Variants in PRDM13 observed in about 807,000 individuals in gnomAD.
The protein encoded by PRDM13 is PR domain zinc finger protein 13.
PRDM13 carries 15 observed loss-of-function variants against 36.4 expected under a neutral mutation model. The ratio of observed to expected loss-of-function variants is 0.41; its 90% CI spans 0.28 to 0.64. The LOEUF (loss-of-function observed/expected upper bound fraction) is 0.64, where lower values mean the gene tolerates loss of function less well. Among genes scored for constraint, PRDM13 ranks in the 30% least tolerant of loss-of-function variants. PRDM13 has a pLI of 0.29. For synonymous variants in PRDM13, 531 were observed against 467.7 expected (o/e 1.14, Z -1.75); for missense variants, 1,044 against 1,013.5 (o/e 1.03, Z -0.41).
In PRDM13 at chr6:99,614,457, C is replaced by A; in HGVS notation, c.1822C>A (p.Arg608=). 1.2e-6 allele frequency: 2 copies of A among 1,613,526 alleles called. No individual in the cohort carries two copies. The highest frequency in any genetic ancestry group is 2.2e-5 in the East Asian group (1 of 44,882). The change falls in exon 4 of 4, where the codon CGG becomes AGG. Residue 608 remains arginine (R), a synonymous_variant. Coordinates refer to ENST00000369215, the MANE Select transcript of PRDM13 (RefSeq NM_021620.4). The part of the protein sequence containing the change: ...YKPLKCKVCL[R]PFGDPSNLNK... The stretch of plus-strand genomic sequence containing the variant: ...GCCACTCAAGTGCAAAGTCTGTCTG[C>A]GGCCCTTCGGCGACCCCAGCAATCT...
intron 1 of PRDM13, 135 bp downstream of exon 1, chr6:99,607,313 C>G (rs1222080622): frequency 7.7e-7 from 1 of 1,293,540 alleles, no homozygotes; most frequent in Non-Finnish European, 1.0e-6. Flanking sequence ...GAAGGGGACT[C>G]CTATTATTCT....
In PRDM13 at chr6:99,613,442, G is replaced by C; in HGVS notation, c.807G>C (p.Gly269=). 6.5e-7 allele frequency: 1 copy of C among 1,545,082 alleles called. No homozygotes were observed. Among genetic ancestry groups the C allele is most frequent in the Non-Finnish European group, 8.7e-7 (1 of 1,154,104 alleles). ...LDMSGAARGQ[G]HFLGIVGGSS... ...TGAGCGGAGCCGCCCGAGGACAAGG[G>C]CACTTCCTCGGCATCGTGGGCGGCT... is the stretch of plus-strand genomic sequence containing the variant. Residue 269 remains glycine, a synonymous_variant, in exon 4 of 4, where the codon GGG becomes GGC. Transcript: ENST00000369215. This position sits in a 1 kb window ranked among gnomAD's most constrained non-coding sequence, Gnocchi z 6.1.
chr6:99,610,805 T>C (rs1388149595), intron 3 of PRDM13, among the ~76,000 whole-genome samples: 1 of 152,258 alleles, frequency 6.6e-6, no homozygotes, highest in African/African-American at 2.4e-5. Context: ...CAGCCATTTC[T>C]ACAGAGAACA....
Position 99,614,806 on chromosome 6 carries a change from G to C in PRDM13, c.*47G>C. ...GGGGTGAGGACAGAGAGGAGTCGAG[G>C]GTTTATTCTCGCAGTAGAGGAACTC... On this transcript the variant is annotated 3_prime_UTR_variant, in exon 4 of 4. Transcript: ENST00000369215. The C allele has an allele frequency of 6.6e-7, 1 of 1,517,486 alleles. No homozygotes were observed. Among genetic ancestry groups the C allele is most frequent in the East Asian group, 2.3e-5 (1 of 44,062 alleles). The allele number at this position is 1,517,486 out of a possible 1,614,324, so 94.0% of individuals were successfully genotyped here. A position where few individuals can be genotyped will look rare whatever the true frequency, so the allele number is the denominator to read the frequency against.
rs1769994090 is a variant in PRDM13 at position 99,609,001 on chromosome 6, C to A, written c.276+129C>A. ...TAGACGTCTCATTTAAACGTCTCGA[C>A]AACCCTTTAAGGTAGTTACTATTGT... On this transcript the variant is annotated intron_variant, in intron 2 of 3. Coordinates refer to ENST00000369215, the MANE Select transcript of PRDM13 (RefSeq NM_021620.4). 2.1e-6 allele frequency: 3 copies of A among 1,420,100 alleles called. No individual in the cohort carries two copies. The South Asian group carries it at 4.3e-5, about 21-fold the overall frequency. 88.0% of individuals were successfully genotyped at this position (1,420,100 alleles called of 1,614,324 possible).
In PRDM13 at chr6:99,613,820, C is replaced by G. The variant is rs1312956574; in HGVS notation, c.1185C>G (p.Pro395=). 1.3e-6 allele frequency: 2 copies of G among 1,511,092 alleles called. No homozygotes were observed. The highest frequency in any genetic ancestry group is 2.7e-5 in the East Asian group (1 of 37,470). The allele number at this position is 1,511,092 out of a possible 1,614,324, so 93.6% of individuals were successfully genotyped here. The change falls in exon 4 of 4, where the codon CCC becomes CCG. Residue 395 remains proline, a synonymous_variant. Coordinates refer to ENST00000369215, the MANE Select transcript of PRDM13 (RefSeq NM_021620.4). This position sits in a 1 kb window ranked among gnomAD's most constrained non-coding sequence, Gnocchi z 6.1. The part of the protein sequence containing the change: ...ALRGFPLLSV[P]PEEASAFKHV... ...GCGGCTTCCCTCTGCTCTCCGTCCC[C>G]CCGGAAGAGGCGTCCGCCTTCAAGC...
chr6:99,607,029 G>T lies in PRDM13; in HGVS notation c.-6G>T. The T allele has an allele frequency of 1.2e-6, 2 of 1,604,486 alleles. No homozygotes were observed. The highest frequency in any genetic ancestry group is 1.7e-6 in the Non-Finnish European group (2 of 1,174,880). On this transcript the variant is annotated 5_prime_UTR_variant, in exon 1 of 4. Transcript: ENST00000369215. ...CCCGAGCGCCTGCCTGGTGGCGGCG[G>T]CAACAATGCACGGAGCCGCCAGAGC... is the stretch of plus-strand genomic sequence containing the variant.
At chr6:99,607,223 T>C (rs781057805) in intron 1 of PRDM13, 45 bp downstream of exon 1, 2 of 1,601,826 alleles carry the variant, frequency 1.2e-6, no homozygotes, top group East Asian at 4.5e-5. Context: ...CGCCTCTCAG[T>C]GCCCTGACCC....
intron 3 of PRDM13, 130 bp downstream of exon 3, chr6:99,609,437 G>C (rs754876969): frequency 2.3e-6 from 3 of 1,311,088 alleles, no homozygotes; most frequent in Non-Finnish European, 3.1e-6. Context: ...GCAAAGAGGA[G>C]AGAGGTCGCC....
chr6:99,613,524 C>A lies in PRDM13; in HGVS notation c.889C>A (p.Pro297Thr). ...FYPGVRSAFK[P>T]AGLARAAAAA... The stretch of plus-strand genomic sequence containing the variant: ...CCCCGGCGTGCGCTCAGCTTTCAAG[C>A]CCGCCGGCCTAGCGAGGGCGGCGGC... Residue 297 changes from proline to threonine, a missense_variant, in exon 4 of 4, where the codon CCC (proline) becomes ACC (threonine). Around this residue, in one of 3 missense-constraint regions of PRDM13, gnomAD observed 921 missense variants for 865.2 expected, o/e 1.06. Coordinates refer to ENST00000369215, the MANE Select transcript of PRDM13 (RefSeq NM_021620.4). The surrounding 1 kb of genome is among the most constrained non-coding windows in gnomAD (Gnocchi z 6.1). 8 of 1,502,382 alleles carry A rather than the reference C, an allele frequency of 5.3e-6. No individual in the cohort carries two copies. Among genetic ancestry groups the A allele is most frequent in the Non-Finnish European group, 7.0e-6 (8 of 1,135,924 alleles). 93.1% of individuals were successfully genotyped at this position (1,502,382 alleles called of 1,614,324 possible). A position where few individuals can be genotyped will look rare whatever the true frequency, so the allele number is the denominator to read the frequency against.
In PRDM13 at chr6:99,613,935, T is replaced by C; in HGVS notation, c.1300T>C (p.Cys434Arg). 6.3e-7 allele frequency: 1 copy of C among 1,588,642 alleles called. No homozygotes were observed. Among genetic ancestry groups the C allele is most frequent in the South Asian group, 1.1e-5 (1 of 88,680 alleles). Residue 434 changes from cysteine to arginine, a missense_variant, in exon 4 of 4, where the codon TGC becomes CGC. Around this residue, in one of 3 missense-constraint regions of PRDM13, gnomAD observed 921 missense variants for 865.2 expected, o/e 1.06. Coordinates refer to ENST00000369215, the MANE Select transcript of PRDM13 (RefSeq NM_021620.4). This position sits in a 1 kb window ranked among gnomAD's most constrained non-coding sequence, Gnocchi z 6.1. ...TGCGCCGGGGTTGCCCCTCGAGCGC[T>C]GCGCGCTGCCGCCCCTCGACCCGGG... is the stretch of plus-strand genomic sequence containing the variant. The part of the protein sequence containing the change: ...PPAPGLPLER[C>R]ALPPLDPGGL...
chr6:99,614,378 G>C lies in PRDM13; in HGVS notation c.1743G>C (p.Leu581=). The change falls in exon 4 of 4, where the codon CTG becomes CTC. Residue 581 remains leucine, a synonymous_variant. Coordinates refer to ENST00000369215, the MANE Select transcript of PRDM13 (RefSeq NM_021620.4). The part of the protein sequence containing the change: ...TGHLCLYCGK[L]YSRKYGLKIH... ...ACCTGTGCCTCTACTGTGGCAAGCT[G>C]TACTCGCGCAAGTATGGGCTCAAGA... The C allele has an allele frequency of 1.2e-6, 2 of 1,613,316 alleles. No individual in the cohort carries two copies. The highest frequency in any genetic ancestry group is 1.7e-6 in the Non-Finnish European group (2 of 1,179,946).
chr6:99,610,591 T>C (rs571322763), intron 3 of PRDM13, among the ~76,000 whole-genome samples: 3 of 152,352 alleles, frequency 2.0e-5, no homozygotes, highest in African/African-American at 7.2e-5. Context: ...CTTTAAAGTA[T>C]CATCGTCCTC....
intron 1 of PRDM13, among the ~76,000 whole-genome samples, chr6:99,608,252 G>C (rs1023175796): frequency 3.9e-5 from 6 of 152,162 alleles, no homozygotes; most frequent in African/African-American, 1.4e-4. Flanking sequence ...GCTTTGTTCC[G>C]AGACTTTAGC....
chr6:99,607,679 C>G (rs1769968611), intron 1 of PRDM13, among the ~76,000 whole-genome samples: 2 of 152,306 alleles, frequency 1.3e-5, no homozygotes, highest in South Asian at 4.1e-4. Flanking sequence ...TTCCTAGAAC[C>G]TCCTCAGATA....
At position 99,613,956 on chromosome 6, in the gene PRDM13, C is replaced by T; in HGVS notation, c.1321C>T (p.Pro441Ser). 1 of 1,593,264 alleles carries T rather than the reference C, an allele frequency of 6.3e-7. No homozygotes were observed. The highest frequency in any genetic ancestry group is 1.1e-5 in the South Asian group (1 of 89,136). The change falls in exon 4 of 4, where the codon CCG becomes TCG. Residue 441 changes from proline (P) to serine (S), a missense_variant. By Grantham distance (74) the Pro-to-Ser change is moderately conservative. Around this residue, in one of 3 missense-constraint regions of PRDM13, gnomAD observed 921 missense variants for 865.2 expected, o/e 1.06. Transcript: ENST00000369215. The surrounding 1 kb of genome is among the most constrained non-coding windows in gnomAD (Gnocchi z 6.1). The stretch of plus-strand genomic sequence containing the variant: ...GCGCTGCGCGCTGCCGCCCCTCGAC[C>T]CGGGCGGTCTCAAAGCCTATCCGGG... ...LERCALPPLD[P>S]GGLKAYPGGE... is the part of the protein sequence containing the mutation.
Position 99,613,004 on chromosome 6 carries a change from G to C in PRDM13, c.398-29G>C. 5 of 1,611,144 alleles carry C rather than the reference G, an allele frequency of 3.1e-6. No individual in the cohort carries two copies. The highest frequency in any genetic ancestry group is 3.4e-6 in the Non-Finnish European group (4 of 1,179,094). ...ATGTCTCGCTTGTTCGCCTCTCACCGGGTCGCTTTTCCATTCTTTCTTGCC... is the reference window on the plus strand; with the variant it reads ...ATGTCTCGCTTGTTCGCCTCTCACCCGGTCGCTTTTCCATTCTTTCTTGCC... On this transcript the variant is annotated intron_variant, in intron 3 of 3. Coordinates refer to ENST00000369215, the MANE Select transcript of PRDM13 (RefSeq NM_021620.4). This position sits in a 1 kb window ranked among gnomAD's most constrained non-coding sequence, Gnocchi z 6.1.
chr6:99,608,710 C>CG (rs1246673980), intron 1 of PRDM13, 31 bp from the exon 2 acceptor site: 1 of 1,583,516 alleles, frequency 6.3e-7, no homozygotes, highest in East Asian at 2.3e-5. Context: ...GGCCAAGGTG[C>CG]GGGGGAGAAC....
Position 99,614,544 on chromosome 6 carries a change from A to G in PRDM13, c.1909A>G (p.Lys637Glu), listed in dbSNP as rs1291979805. Residue 637 changes from lysine to glutamate, a missense_variant, in exon 4 of 4, where the codon AAG becomes GAG. Physicochemically the swap from Lys to Glu is moderately conservative, Grantham distance 56. Transcript: ENST00000369215. ...NTPYRCEFCG[K>E]VLVRRRDLER... is the part of the protein sequence containing the mutation. ...GCCCTACCGCTGCGAGTTCTGCGGC[A>G]AGGTACTTGTGCGCCGCCGGGACCT... 9 of 1,612,910 alleles carry G rather than the reference A, an allele frequency of 5.6e-6. No individual in the cohort carries two copies. Among genetic ancestry groups the G allele is most frequent in the East Asian group, 2.2e-5 (1 of 44,876 alleles).
Sources: allele counts gnomAD v4.1 joint callset (sites outside exome capture counted in the v4.1 genomes callset), GRCh38; gene constraint gnomAD v4.1.1; regional missense constraint gnomAD v4.1.1; non-coding constraint Gnocchi (gnomAD v3.1); transcripts MANE v1.5; gene names NCBI Gene and HGNC (gene_info 2026-07-23, HGNC 2026-07-21).